The following OVCH1 variants were observed in gnomAD, a reference collection of about 807,000 sequenced individuals.
OVCH1 encodes the protein ovochymase-1.
In OVCH1, 139 loss-of-function variants were observed where a neutral mutation model predicts 138.4. The observed-to-expected ratio is 1.00, with a 90% CI of 0.87 to 1.16. OVCH1 has a LOEUF of 1.16. OVCH1 is among the 50% of genes most tolerant of loss of function. The probability of loss-of-function intolerance (pLI) is 0.00; values close to 1 mark genes in which losing one functional copy is unlikely to be tolerated. For missense variants in OVCH1, 1,367 were observed against 1,357.9 expected, an observed-to-expected ratio of 1.01 and a Z score of -0.11; for synonymous variants, 453 against 467.8, an observed-to-expected ratio of 0.97 and a Z score of 0.41.
chr12:29,417,715 C>G (rs1030688209), intron 3 of OVCH1, among the ~76,000 whole-genome samples: 1 of 151,464 alleles, frequency 6.6e-6, no homozygotes. Flanking sequence ...ACTCTCTATC[C>G]CTGAGATTGT....
rs116123757 is a variant in OVCH1, at chr12:29,496,027, A to G, written c.281+154T>C. On this transcript the variant is annotated intron_variant, in intron 3 of 27. Coordinates refer to ENST00000318184, the Ensembl canonical transcript of OVCH1. ...GCACTGGGAATCTTGGGACAGACAC[A>G]CATTTCTGGGAATCAGGAAGATCAG... 4.8e-3 allele frequency among the ~76,000 whole-genome samples: 738 copies of G among 152,338 alleles called. 8 individuals are homozygous for G. The highest frequency in any genetic ancestry group is 0.017 in the African/African-American group (694 of 41,576).
At chr12:29,478,902 G>A in exon 9 of OVCH1, 1 of 1,579,988 alleles carries the variant, frequency 6.3e-7, no homozygotes, top group East Asian at 2.3e-5. Flanking sequence ...GCTTTTCCAT[G>A]TCTAAACTTG....
chr12:29,476,939 C>G (rs1246417715), intron 12 of OVCH1, among the ~76,000 whole-genome samples, 163 bp downstream of exon 12: 5 of 152,018 alleles, frequency 3.3e-5, no homozygotes, highest in African/African-American at 1.2e-4. Context: ...TGAAAGTTTT[C>G]AAAACCACTC....
chr12:29,435,510 G>A (rs1941342196), intron 26 of OVCH1, among the ~76,000 whole-genome samples: 1 of 152,002 alleles, frequency 6.6e-6, no homozygotes, highest in South Asian at 2.1e-4. Flanking sequence ...GGGACTACAG[G>A]CGCCCGCCTA....
downstream of OVCH1, among the ~76,000 whole-genome samples, chr12:29,427,111 T>C (rs182029489): frequency 1.7e-3 from 266 of 152,286 alleles, 1 homozygote; most frequent in African/African-American, 5.9e-3. Context: ...AGCTGCACAA[T>C]TGGAGAAAGC....
In OVCH1 at chr12:29,431,368, G is replaced by T. The variant is rs138607925; in HGVS notation, c.3327+2383C>A. On this transcript the variant is annotated intron_variant, in intron 27 of 27. Coordinates refer to ENST00000318184, the Ensembl canonical transcript of OVCH1. ...TGGGAGGTTCACTTGAGCCTGGGAG[G>T]TTGAAGCTGCGGTGAACCATGATCA... 4.1e-3 allele frequency among the ~76,000 whole-genome samples: 630 copies of T among 152,158 alleles called. 6 individuals are homozygous for T. Among genetic ancestry groups the T allele is most frequent in the African/African-American group, 0.014 (578 of 41,514 alleles).
intron 3 of OVCH1, among the ~76,000 whole-genome samples, chr12:29,413,093 C>T (rs1940982069): frequency 6.6e-6 from 1 of 151,544 alleles, no homozygotes; most frequent in Non-Finnish European, 1.5e-5. Flanking sequence ...AACTCCTGGC[C>T]TCAAATGATC....
At chr12:29,404,728 A>G in the OVCH1 span, among the ~76,000 whole-genome samples, 2 of 152,192 alleles carry the variant, frequency 1.3e-5, no homozygotes, top group Non-Finnish European at 2.9e-5. Flanking sequence ...CAGCTGAATC[A>G]TAAGAAATGA....
chr12:29,425,581 C>T (rs766656836), downstream of OVCH1, among the ~76,000 whole-genome samples: 8 of 152,156 alleles, frequency 5.3e-5, no homozygotes, highest in Non-Finnish European at 1.2e-4. Flanking sequence ...AGTTGAGTCC[C>T]ACGTTTTCTA....
chr12:29,465,158 A>G, exon 17 of OVCH1: 2 of 1,602,640 alleles, frequency 1.2e-6, no homozygotes, highest in Non-Finnish European at 1.7e-6. Context: ...TGCTCTGTTG[A>G]TTCCTTCAGG....
At chr12:29,461,968 A>G (rs1443335198) in exon 19 of OVCH1, 4 of 1,613,798 alleles carry the variant, frequency 2.5e-6, no homozygotes, top group South Asian at 1.1e-5. Flanking sequence ...TTTCTAACAC[A>G]TGCACTTGAA....
At chr12:29,438,285 C>A (rs1941401131) in intron 26 of OVCH1, among the ~76,000 whole-genome samples, 1 of 152,074 alleles carries the variant, frequency 6.6e-6, no homozygotes, top group African/African-American at 2.4e-5. Context: ...CCCTTCTAAT[C>A]TATTTTCAAT....
chr12:29,412,952 T>A (rs970741874), intron 3 of OVCH1, among the ~76,000 whole-genome samples: 1 of 147,044 alleles, frequency 6.8e-6, no homozygotes, highest in Non-Finnish European at 1.5e-5. Context: ...GCTCAAATGA[T>A]CCTGCCTCCT....
At chr12:29,409,076 A>G (rs1940919509), downstream of OVCH1, among the ~76,000 whole-genome samples, 1 of 151,884 alleles carries the variant, frequency 6.6e-6, no homozygotes. Context: ...TTTCTTCTAA[A>G]TTTTCTAGTT....
At chr12:29,468,793 A>G (rs1942403576) in intron 16 of OVCH1, among the ~76,000 whole-genome samples, 1 of 152,170 alleles carries the variant, frequency 6.6e-6, no homozygotes, top group Non-Finnish European at 1.5e-5. Context: ...ATTTATATAC[A>G]TGGGTGAGTA....
chr12:29,476,480 C>G (rs142951271), intron 12 of OVCH1, among the ~76,000 whole-genome samples, 181 bp from the exon 13 acceptor site: 10 of 152,260 alleles, frequency 6.6e-5, no homozygotes, highest in African/African-American at 2.4e-4. Context: ...TTTAAATGTG[C>G]AAACCCTTTG....
chr12:29,429,732 A>G (rs17660352), intron 27 of OVCH1, among the ~76,000 whole-genome samples: 21,558 of 152,226 alleles, frequency 0.14, 1,939 homozygotes, highest in Middle Eastern at 0.22. Flanking sequence ...TGTGATCTCA[A>G]CAGAAGTCAC....
chr12:29,425,320 C>T (rs1565564462), downstream of OVCH1, among the ~76,000 whole-genome samples: 3 of 152,118 alleles, frequency 2.0e-5, no homozygotes, highest in African/African-American at 7.2e-5. Context: ...AGATAGGTGG[C>T]TGGAAAAGGG....
intron 3 of OVCH1, among the ~76,000 whole-genome samples, chr12:29,417,848 T>G (rs1941053341): frequency 6.6e-6 from 1 of 151,912 alleles, no homozygotes; most frequent in Non-Finnish European, 1.5e-5. Flanking sequence ...CAGCCAAGAT[T>G]AAGAAGCACT....
Sources: allele counts gnomAD v4.1 joint callset (sites outside exome capture counted in the v4.1 genomes callset), GRCh38; gene constraint gnomAD v4.1.1; transcripts MANE v1.5; gene names NCBI Gene and HGNC (gene_info 2026-07-23, HGNC 2026-07-21).